Variants in PHF12 observed in about 807,000 individuals in gnomAD.
The protein encoded by PHF12 is PHD factor 1.
Under a neutral mutation model 99.8 loss-of-function variants are expected in PHF12, and 6 were observed. The observed-to-expected ratio is 0.06, with a 90% CI of 0.03 to 0.12. PHF12 has a LOEUF of 0.12. Among genes scored for constraint, PHF12 ranks in the 10% least tolerant of loss-of-function variants. PHF12 has a pLI of 1.00. For missense variants in PHF12, 954 were observed against 1,300.1 expected (o/e 0.73, Z 4.09); for synonymous variants, 480 against 514.9 (o/e 0.93, Z 0.92).
chr17:28,911,436 C>T (rs1415925220), intron 9 of PHF12, 199 bp from the exon 10 acceptor site: 7 of 639,454 alleles, frequency 1.1e-5, no homozygotes, highest in East Asian at 3.0e-5. Context: ...CACCCAGGCA[C>T]GCAGGAGTCT....
In PHF12 at chr17:28,906,265, A is replaced by C; in HGVS notation, c.2933T>G (p.Leu978Arg). The stretch of plus-strand genomic sequence containing the variant: ...CTCGGCCAAGACCCCATCCTGCAGC[A>C]GGCTGGCATCGCCTTTGGGCTGTTT... Reference protein sequence around the residue: ...ATKQPKGDASLLQDGVLAEKL... With the variant: ...ATKQPKGDASRLQDGVLAEKL... Residue 978 changes from leucine (L) to arginine (R), a missense_variant, in exon 15 of 15, where the codon CTG (leucine) becomes CGG (arginine). Leu to Arg is a moderately radical substitution (Grantham distance 102). This residue lies in a region of PHF12 where 136 missense variants were observed against 172.3 expected (regional missense o/e 0.79). Transcript: ENST00000332830. This position sits in a 1 kb window ranked among gnomAD's most constrained non-coding sequence, Gnocchi z 4.2. 6.2e-7 allele frequency: 1 copy of C among 1,613,878 alleles called. No homozygotes were observed. Among genetic ancestry groups the C allele is most frequent in the Non-Finnish European group, 8.5e-7 (1 of 1,179,720 alleles).
At chr17:28,946,089 G>A (rs1054537778) in intron 2 of PHF12, among the ~76,000 whole-genome samples, 5 of 152,074 alleles carry the variant, frequency 3.3e-5, no homozygotes, top group African/African-American at 7.2e-5. Context: ...CTGAGATTGC[G>A]CTACTGCACT....
chr17:28,910,422 G>A, intron 10 of PHF12, 53 bp from the exon 11 acceptor site: 2 of 1,560,274 alleles, frequency 1.3e-6, no homozygotes. Context: ...AGTGGAATGT[G>A]GAAGCAAATC....
In PHF12 at chr17:28,911,198, G is replaced by C; in HGVS notation, c.2129C>G (p.Ala710Gly). 1 of 1,614,168 alleles carries C rather than the reference G, an allele frequency of 6.2e-7. No individual in the cohort carries two copies. ...GGCTGGGAAAGAGGGTACGGTTAAA[G>C]CGCTTCCTATGGATAACGTGCCGGG... Reference protein sequence around the residue: ...VSPGTLSIGSALTVPSFPANS... With the variant: ...VSPGTLSIGSGLTVPSFPANS... Residue 710 changes from alanine to glycine, a missense_variant, in exon 10 of 15, where the codon GCT becomes GGT. Coordinates refer to ENST00000332830, the MANE Select transcript of PHF12 (RefSeq NM_001033561.2).
rs1175929874 is a variant in PHF12, at chr17:28,949,963, G to A, written c.248+102C>T. On this transcript the variant is annotated intron_variant, in intron 2 of 14. Transcript: ENST00000332830. This position sits in a 1 kb window ranked among gnomAD's most constrained non-coding sequence, Gnocchi z 4.6. Reference sequence around the variant, plus strand: ...CGGCAGCTGCAGAAAGTCAGCTAGCGGCTGCAAGCGCCCGTTATTTCGGCA... The same window carrying A: ...CGGCAGCTGCAGAAAGTCAGCTAGCAGCTGCAAGCGCCCGTTATTTCGGCA... The A allele has an allele frequency of 3.4e-5, 46 of 1,335,662 alleles. No homozygotes were observed. The highest frequency in any genetic ancestry group is 4.6e-5 in the Non-Finnish European group (45 of 988,810). 82.7% of individuals were successfully genotyped at this position (1,335,662 alleles called of 1,614,324 possible).
rs1176442290 is a variant in PHF12 at position 28,906,505 on chromosome 17, TGCCGGCGGC to T, written c.2684_2692del (p.Arg895_Arg897del). The T allele has an allele frequency of 6.2e-7, 1 of 1,600,894 alleles. No homozygotes were observed. Among genetic ancestry groups the T allele is most frequent in the Non-Finnish European group, 8.5e-7 (1 of 1,170,212 alleles). ...ACTTGGCTCTTCGTCCTGTTTCTGG[TGCCGGCGGC>T]GCCCTGGGAAAAAGGGGGATGGTCA... is the stretch of plus-strand genomic sequence containing the variant. On this transcript the variant is annotated inframe_deletion, in exon 15 of 15. Coordinates refer to ENST00000332830, the MANE Select transcript of PHF12 (RefSeq NM_001033561.2). The surrounding 1 kb of genome is among the most constrained non-coding windows in gnomAD (Gnocchi z 4.2).
In PHF12 at chr17:28,923,976, G is replaced by A. The variant is rs113516942; in HGVS notation, c.648C>T (p.Ala216=). 55 of 1,613,836 alleles carry A rather than the reference G, an allele frequency of 3.4e-5. No individual in the cohort carries two copies. The highest frequency in any genetic ancestry group is 1.7e-4 in the Middle Eastern group (1 of 6,040). ...ATTGGGTGGGGTTCCGCTCCATGGC[G>A]GCAGCAATCAGCAGCTCAAAGGGCC... ...LRRPFELLIA[A]AMERNPTQFQ... is the part of the protein sequence containing the mutation. Residue 216 remains alanine, a synonymous_variant, in exon 4 of 15, where the codon GCC becomes GCT. Coordinates refer to ENST00000332830, the MANE Select transcript of PHF12 (RefSeq NM_001033561.2).
chr17:28,920,855 C>T (rs138851537), intron 5 of PHF12, among the ~76,000 whole-genome samples: 20 of 151,826 alleles, frequency 1.3e-4, no homozygotes, highest in Non-Finnish European at 2.1e-4. Flanking sequence ...GCCACCACAC[C>T]GGGCCATTGT....
chr17:28,907,133 T>C (rs1207564290), intron 13 of PHF12, 139 bp from the exon 14 acceptor site: 8 of 1,005,336 alleles, frequency 8.0e-6, no homozygotes, highest in Admixed American at 2.6e-5. Flanking sequence ...GCCCCTGTCC[T>C]TTCAGAAGGG....
At chr17:28,948,137 T>TTTATCAAATAAGAGAGC (rs1279978832) in intron 2 of PHF12, among the ~76,000 whole-genome samples, 1 of 152,224 alleles carries the variant, frequency 6.6e-6, no homozygotes, top group Non-Finnish European at 1.5e-5. Flanking sequence ...CAATTTCAGC[T>TTTATCAAATAAGAGAGC]TTATCAAATA....
Position 28,951,312 on chromosome 17 carries a change from G to C in PHF12, c.-352C>G, listed in dbSNP as rs934684172. ...GAAGGCTGGCGGGCGCTGCCATCCC[G>C]GGGCTGGGGGTATCGGAGGGGGGGT... On this transcript the variant is annotated 5_prime_UTR_variant, in exon 1 of 15. Coordinates refer to ENST00000332830, the MANE Select transcript of PHF12 (RefSeq NM_001033561.2). The C allele has an allele frequency of 4.6e-6, 5 of 1,091,248 alleles. No homozygotes were observed. The highest frequency in any genetic ancestry group is 2.8e-5 in the South Asian group (1 of 35,562). 67.6% of individuals were successfully genotyped at this position (1,091,248 alleles called of 1,614,324 possible).
chr17:28,919,935 C>T (rs1176527963), intron 5 of PHF12, among the ~76,000 whole-genome samples: 2 of 152,138 alleles, frequency 1.3e-5, no homozygotes, highest in South Asian at 4.1e-4. Flanking sequence ...AAACAGTGAA[C>T]TCTGCTCTGA....
chr17:28,945,574 T>C (rs1475642192), intron 2 of PHF12, among the ~76,000 whole-genome samples: 6 of 152,188 alleles, frequency 3.9e-5, no homozygotes, highest in Admixed American at 3.9e-4. Flanking sequence ...CTCAGTCTGT[T>C]TGGAGCAAAA....
chr17:28,935,138 T>G (rs1409292831), intron 2 of PHF12, among the ~76,000 whole-genome samples: 1 of 152,258 alleles, frequency 6.6e-6, no homozygotes. Flanking sequence ...ACAGAGCTCT[T>G]GCAGAGTATC....
intron 4 of PHF12, 118 bp from the exon 5 acceptor site, chr17:28,921,926 G>T: frequency 7.2e-7 from 1 of 1,390,720 alleles, no homozygotes; most frequent in Non-Finnish European, 9.7e-7. Context: ...GCCTAAGCAT[G>T]AATTGCTCTC....
rs541366334 is a variant in PHF12, at chr17:28,909,908, C to A, written c.2359+318G>T. 1.5e-5 allele frequency: 9 copies of A among 604,820 alleles called. No homozygotes were observed. The African/African-American group carries it at 1.7e-4, about 11-fold the overall frequency. The allele number at this position is 604,820 out of a possible 1,614,324, so 37.5% of individuals were successfully genotyped here. ...ACTCAGTCGGGAAGCCCTTCTAATT[C>A]AAATATTTGAAAGCAAGTAAGCAGA... On this transcript the variant is annotated intron_variant, in intron 11 of 14. Coordinates refer to ENST00000332830, the MANE Select transcript of PHF12 (RefSeq NM_001033561.2).
intron 3 of PHF12, chr17:28,925,379 AC>A (rs1216564625): frequency 6.6e-6 from 1 of 152,274 alleles, no homozygotes; most frequent in African/African-American, 2.4e-5. Context: ...CTAGTCTTCC[AC>A]TACGAATCAT....
chr17:28,935,268 A>G (rs1567967500), intron 2 of PHF12, among the ~76,000 whole-genome samples: 1 of 150,910 alleles, frequency 6.6e-6, no homozygotes, highest in African/African-American at 2.5e-5. Flanking sequence ...ATTTTATTTT[A>G]TTTATTTTAT....
intron 2 of PHF12, among the ~76,000 whole-genome samples, chr17:28,946,666 A>G (rs1398161411): frequency 6.6e-6 from 1 of 152,248 alleles, no homozygotes; most frequent in Admixed American, 6.5e-5. Flanking sequence ...CAGCACTGCA[A>G]TTAAGACCTA....
Sources: allele counts gnomAD v4.1 joint callset (sites outside exome capture counted in the v4.1 genomes callset), GRCh38; gene constraint gnomAD v4.1.1; regional missense constraint gnomAD v4.1.1; non-coding constraint Gnocchi (gnomAD v3.1); transcripts MANE v1.5; gene names NCBI Gene and HGNC (gene_info 2026-07-23, HGNC 2026-07-21).